The following NOTCH2 variants were observed in gnomAD, a reference collection of about 807,000 sequenced individuals.
The protein encoded by NOTCH2 is neurogenic locus notch homolog protein 2.
In NOTCH2, 29 loss-of-function variants were observed where a neutral mutation model predicts 235.8. The ratio of observed to expected loss-of-function variants is 0.12; its 90% CI spans 0.09 to 0.17. The LOEUF (loss-of-function observed/expected upper bound fraction) is 0.17. Among genes scored for constraint, NOTCH2 ranks in the 10% least tolerant of loss-of-function variants. NOTCH2 has a pLI of 1.00. For missense variants in NOTCH2, 2,285 were observed against 3,150.2 expected (o/e 0.73, Z 6.57); for synonymous variants, 1,086 against 1,141.5 (o/e 0.95, Z 0.98).
chr1:119,981,814 A>T (rs1328735842), intron 5 of NOTCH2, among the ~76,000 whole-genome samples: 1 of 152,192 alleles, frequency 6.6e-6, no homozygotes, highest in Non-Finnish European at 1.5e-5. Flanking sequence ...GGCTTACAGC[A>T]GAAAAATTGA....
At chr1:120,015,954 CA>C (rs142931224) in intron 2 of NOTCH2, among the ~76,000 whole-genome samples, 5,837 of 107,418 alleles carry the variant, frequency 0.054, 3 homozygotes, top group East Asian at 0.14. Context: ...CCCCTTCTCT[CA>C]AAAAAAAAAG....
chr1:120,064,760 A>G (rs587669460), intron 1 of NOTCH2, among the ~76,000 whole-genome samples: 10 of 146,526 alleles, frequency 6.8e-5, no homozygotes, highest in Non-Finnish European at 1.5e-5. Flanking sequence ...TCAAAAAAAA[A>G]AAAAAGCAAA....
intron 1 of NOTCH2, among the ~76,000 whole-genome samples, chr1:120,038,942 T>C (rs1286359190): frequency 2.0e-5 from 3 of 151,954 alleles, no homozygotes; most frequent in Admixed American, 6.5e-5. Context: ...CTAGCTGAAA[T>C]AGGTTGAATG....
At position 120,035,503 on chromosome 1, in the gene NOTCH2, G is replaced by A. The variant is rs587685144; in HGVS notation, c.74-5516C>T. The stretch of plus-strand genomic sequence containing the variant: ...TTATGCCCTCTTTACTGAACAGATC[G>A]TCATTGAACTCAGTTCCATTCCTCC... On this transcript the variant is annotated intron_variant, in intron 1 of 33. Transcript: ENST00000256646. Among the ~76,000 whole-genome samples, 8 of 151,770 alleles carry A rather than the reference G, an allele frequency of 5.3e-5. No homozygotes were observed. In the East Asian group the frequency reaches 5.8e-4, roughly 11 times the overall value.
At chr1:119,955,320 C>T in intron 12 of NOTCH2, 88 bp from the exon 13 acceptor site, 1 of 1,382,592 alleles carries the variant, frequency 7.2e-7, no homozygotes, top group Non-Finnish European at 1.0e-6. Context: ...TGACATCCTT[C>T]ATCTGCTCAG....
chr1:119,984,970 A>C (rs1270561088), intron 5 of NOTCH2, among the ~76,000 whole-genome samples: 1 of 152,150 alleles, frequency 6.6e-6, no homozygotes, highest in Non-Finnish European at 1.5e-5. Context: ...GGAGTGGAGA[A>C]GGAAACCCTA....
chr1:119,974,561 C>G (rs1350209815), intron 5 of NOTCH2, among the ~76,000 whole-genome samples: 1 of 151,126 alleles, frequency 6.6e-6, no homozygotes, highest in East Asian at 2.0e-4. Context: ...ACTTTTGCCT[C>G]GTAAATATAC....
chr1:119,926,934 G>A (rs1270284021), intron 23 of NOTCH2, among the ~76,000 whole-genome samples: 1 of 152,174 alleles, frequency 6.6e-6, no homozygotes, highest in African/African-American at 2.4e-5. Context: ...AGTCATTTTA[G>A]CTTTCATAAG....
At position 119,922,788 on chromosome 1, in the gene NOTCH2, GC is replaced by G; in HGVS notation, c.4860-11del. On this transcript the variant is annotated splice_polypyrimidine_tract_variant and intron_variant, in intron 26 of 33. Transcript: ENST00000256646. ...CAGAAAGACTTTAGAGCTGTGGGATGCCAAGGGAGAAGCGGAGGAGGAGAGA... is the reference window on the plus strand; with the variant it reads ...CAGAAAGACTTTAGAGCTGTGGGATGCAAGGGAGAAGCGGAGGAGGAGAGA... 6.2e-7 allele frequency: 1 copy of G among 1,614,090 alleles called. No individual in the cohort carries two copies. The highest frequency in any genetic ancestry group is 8.5e-7 in the Non-Finnish European group (1 of 1,180,044).
intron 5 of NOTCH2, among the ~76,000 whole-genome samples, chr1:119,971,585 C>A (rs1425445518): frequency 1.3e-5 from 2 of 152,106 alleles, no homozygotes; most frequent in Non-Finnish European, 2.9e-5. Flanking sequence ...TTTTGGGAGG[C>A]CAAACAGGAA....
rs1258500969 is a variant in NOTCH2, at chr1:120,024,933, G to A, written c.155+4973C>T. Among the ~76,000 whole-genome samples the A allele has an allele frequency of 2.0e-5, 3 of 150,386 alleles. No homozygotes were observed. In the East Asian group the frequency reaches 5.9e-4, roughly 30 times the overall value. ...GGCACTGGAGAATCACTGAAAGCAG[G>A]CATAAACTAGAAGGGATATAAGCCT... On this transcript the variant is annotated intron_variant, in intron 2 of 33. Coordinates refer to ENST00000256646, the MANE Select transcript of NOTCH2 (RefSeq NM_024408.4).
intron 22 of NOTCH2, 49 bp from the exon 23 acceptor site, chr1:119,929,261 C>T (rs1259587327): frequency 2.0e-6 from 3 of 1,517,738 alleles, no homozygotes; most frequent in Non-Finnish European, 2.7e-6. Context: ...TTTTAACCTG[C>T]TTTCCAGCAA....
chr1:119,930,183 G>T (rs1553194931), intron 22 of NOTCH2, among the ~76,000 whole-genome samples: 1 of 152,096 alleles, frequency 6.6e-6, no homozygotes, highest in Non-Finnish European at 1.5e-5. Context: ...ACTATACATA[G>T]GTTATGTAAA....
At chr1:119,949,504 C>T (rs1415579317) in intron 15 of NOTCH2, among the ~76,000 whole-genome samples, 1 of 151,364 alleles carries the variant, frequency 6.6e-6, no homozygotes, top group African/African-American at 2.4e-5. Context: ...CTCCTGCCTC[C>T]GCCTCCCGAG....
chr1:120,015,790 CTG>C (rs1653425243), intron 2 of NOTCH2, among the ~76,000 whole-genome samples: 1 of 149,168 alleles, frequency 6.7e-6, no homozygotes, highest in Non-Finnish European at 1.5e-5. Flanking sequence ...TTCTGTCACT[CTG>C]TGTAAAGGTA....
At chr1:119,921,933 A>G in intron 28 of NOTCH2, 124 bp from the exon 29 acceptor site, 5 of 841,576 alleles carry the variant, frequency 5.9e-6, no homozygotes, top group Non-Finnish European at 5.9e-6. Context: ...CTTGGCCCAG[A>G]GAAGATGGGC....
At chr1:119,958,293 A>G (rs1231627297) in intron 12 of NOTCH2, among the ~76,000 whole-genome samples, 2 of 152,224 alleles carry the variant, frequency 1.3e-5, no homozygotes, top group Non-Finnish European at 2.9e-5. Context: ...TTCACTGAAC[A>G]GGGATCACTG....
intron 22 of NOTCH2, chr1:119,935,240 G>C: frequency 7.0e-7 from 1 of 1,424,158 alleles, no homozygotes; most frequent in Non-Finnish European, 9.2e-7. Context: ...TGTGTTTCAT[G>C]GAATATCAAG....
At position 120,069,365 on chromosome 1, in the gene NOTCH2, C is replaced by T. The variant is rs1553217925; in HGVS notation, c.42G>A (p.Ala14=). The T allele has an allele frequency of 2.5e-6, 4 of 1,570,800 alleles. No individual in the cohort carries two copies. Among genetic ancestry groups the T allele is most frequent in the Non-Finnish European group, 3.4e-6 (4 of 1,166,934 alleles). ...CGGGGGCCGCGCAGCACAGCCAGAG[C>T]GCCAGCAGCGCCCACAGCAGAGCGG... is the stretch of plus-strand genomic sequence containing the variant. ...LRPALLWALL[A]LWLCCAAPAH... is the part of the protein sequence containing the mutation. The change falls in exon 1 of 34, where the codon GCG becomes GCA. Residue 14 remains alanine, a synonymous_variant. Coordinates refer to ENST00000256646, the MANE Select transcript of NOTCH2 (RefSeq NM_024408.4).
Sources: allele counts gnomAD v4.1 joint callset (sites outside exome capture counted in the v4.1 genomes callset), GRCh38; gene constraint gnomAD v4.1.1; transcripts MANE v1.5; gene names NCBI Gene and HGNC (gene_info 2026-07-23, HGNC 2026-07-21).